ARVCF: variants seen among roughly 807,000 people sequenced by gnomAD.
ARVCF encodes the protein ARVCF delta catenin family member.
A neutral mutation model predicts 90.9 loss-of-function variants in ARVCF; 66 were observed. That is an observed-to-expected ratio of 0.73 (90% CI 0.60 to 0.89). The LOEUF (loss-of-function observed/expected upper bound fraction) is 0.89, where lower values mean the gene tolerates loss of function less well. Ranked by LOEUF, ARVCF falls within the 40% of genes least tolerant of loss-of-function variation. The pLI is 0.00. For missense variants in ARVCF, 1,469 were observed against 1,382.3 expected, an observed-to-expected ratio of 1.06 and a Z score of -1.00; for synonymous variants, 653 against 603.4, an observed-to-expected ratio of 1.08 and a Z score of -1.21.
intron 16 of ARVCF, 101 bp from the exon 17 acceptor site, chr22:19,972,512 T>G (rs1028704736): frequency 1.4e-6 from 2 of 1,458,054 alleles, no homozygotes; most frequent in African/African-American, 2.8e-5. Context: ...AGAGGCTCTC[T>G]GTCACTAAGG....
At chr22:20,010,267 G>C (rs988893549) in intron 2 of ARVCF, among the ~76,000 whole-genome samples, 188 bp downstream of exon 2, 4 of 152,194 alleles carry the variant, frequency 2.6e-5, no homozygotes, top group Non-Finnish European at 5.9e-5. Context: ...AACCCAAGCT[G>C]GTGGCAGGAG....
intron 2 of ARVCF, among the ~76,000 whole-genome samples, chr22:20,002,883 C>A (rs927542720): frequency 6.6e-6 from 1 of 152,186 alleles, no homozygotes; most frequent in African/African-American, 2.4e-5. Context: ...CTGTCAGCTG[C>A]CCATTGGAAG....
At chr22:19,977,164 C>A (rs1943203009) in intron 9 of ARVCF, among the ~76,000 whole-genome samples, 1 of 152,150 alleles carries the variant, frequency 6.6e-6, no homozygotes, top group Admixed American at 6.5e-5. Flanking sequence ...TGGGTCTGGG[C>A]ATTGGTTGGT....
At chr22:20,012,975 C>T (rs1474392406) in intron 1 of ARVCF, among the ~76,000 whole-genome samples, 4 of 152,256 alleles carry the variant, frequency 2.6e-5, no homozygotes, top group Non-Finnish European at 5.9e-5. Context: ...GCTCGCTCTG[C>T]ACTCCCTGCA....
rs756735382 is a variant in ARVCF at position 19,978,991 on chromosome 22, GCACGAT to G, written c.1480_1485del (p.Ile494_Val495del). 1 of 1,613,364 alleles carries G rather than the reference GCACGAT, an allele frequency of 6.2e-7. No homozygotes were observed. The highest frequency in any genetic ancestry group is 8.5e-7 in the Non-Finnish European group (1 of 1,179,946). On this transcript the variant is annotated inframe_deletion, in exon 7 of 20. Transcript: ENST00000263207. ...GGCTCACGCTCCCATCCTGAGTGGG[GCACGAT>G]CACCTCGTGGGTCAGCGTCTGCAGG... is the stretch of plus-strand genomic sequence containing the variant.
intron 2 of ARVCF, among the ~76,000 whole-genome samples, chr22:20,005,751 G>A (rs1029087453): frequency 4.6e-5 from 7 of 150,984 alleles, no homozygotes; most frequent in African/African-American, 7.3e-5. Context: ...AGCCAAGATC[G>A]TGCCACTGCA....
At chr22:19,967,383 T>C (rs536753773), downstream of ARVCF, 2 of 480,908 alleles carry the variant, frequency 4.2e-6, no homozygotes, top group Middle Eastern at 3.2e-4. Flanking sequence ...TCAGCTGACA[T>C]TGCTAGGACA....
At chr22:19,972,239 C>A (rs1301213244) in intron 17 of ARVCF, 119 bp downstream of exon 17, 1 of 1,428,042 alleles carries the variant, frequency 7.0e-7, no homozygotes, top group Non-Finnish European at 9.7e-7. Flanking sequence ...CTAAGCACCC[C>A]TAAACCAAAT....
At chr22:19,983,421 C>T (rs1203929041) in intron 3 of ARVCF, among the ~76,000 whole-genome samples, 3 of 152,228 alleles carry the variant, frequency 2.0e-5, no homozygotes, top group African/African-American at 7.2e-5. Flanking sequence ...CCTGCCAAGG[C>T]TCGTGGGCTG....
At chr22:19,968,861 G>GCCTGCGC (rs2146200844), downstream of ARVCF, 2 of 874,226 alleles carry the variant, frequency 2.3e-6, no homozygotes, top group South Asian at 2.9e-5. Context: ...CTCGGCCGAG[G>GCCTGCGC]CCTGCGCCCT....
chr22:19,994,449 T>G (rs1482125534), intron 2 of ARVCF, among the ~76,000 whole-genome samples: 2 of 87,104 alleles, frequency 2.3e-5, no homozygotes, highest in Admixed American at 1.5e-4. Flanking sequence ...GAAGAACATA[T>G]AGATGAATGG....
At chr22:20,002,363 T>C (rs1023113295) in intron 2 of ARVCF, among the ~76,000 whole-genome samples, 14 of 152,236 alleles carry the variant, frequency 9.2e-5, no homozygotes, top group Admixed American at 3.9e-4. Flanking sequence ...GGCTGCATAC[T>C]GTCCCTCTGT....
At position 19,977,465 on chromosome 22, in the gene ARVCF, T is replaced by C. The variant is rs748845916; in HGVS notation, c.1820A>G (p.Gln607Arg). The change falls in exon 9 of 20, where the codon CAG becomes CGG. Residue 607 changes from glutamine to arginine, a missense_variant. Physicochemically the swap from Gln to Arg is conservative, Grantham distance 43. Coordinates refer to ENST00000263207, the MANE Select transcript of ARVCF (RefSeq NM_001670.3). ...PGPLGSAVGS[Q>R]RRRRDDASCF... ...GCTGGCATCATCCCGCCTCCGGCGC[T>C]GGGAGCCTACAGCACTGCCCAGGGG... The C allele has an allele frequency of 6.4e-7, 1 of 1,571,312 alleles. No homozygotes were observed. The highest frequency in any genetic ancestry group is 8.6e-7 in the Non-Finnish European group (1 of 1,159,628).
chr22:19,992,258 C>T (rs1799037975), intron 2 of ARVCF, among the ~76,000 whole-genome samples: 1 of 152,218 alleles, frequency 6.6e-6, no homozygotes, highest in Non-Finnish European at 1.5e-5. Context: ...ATGAAACTGT[C>T]AACACAACCT....
At chr22:20,014,948 A>C (rs1944968694) in intron 1 of ARVCF, among the ~76,000 whole-genome samples, 1 of 152,116 alleles carries the variant, frequency 6.6e-6, no homozygotes, top group South Asian at 2.1e-4. Flanking sequence ...AGCCACAGAG[A>C]TGCAGAGGGC....
At chr22:19,997,238 C>T (rs560911133) in intron 2 of ARVCF, among the ~76,000 whole-genome samples, 1 of 152,104 alleles carries the variant, frequency 6.6e-6, no homozygotes, top group Non-Finnish European at 1.5e-5. Context: ...CTCTAGTGGC[C>T]GAACGAGCCC....
intron 2 of ARVCF, among the ~76,000 whole-genome samples, chr22:20,002,800 G>C (rs986622071): frequency 6.6e-6 from 1 of 152,166 alleles, no homozygotes. Context: ...GCTGATGTGT[G>C]GAATTGATTT....
chr22:19,979,091 C>T lies in ARVCF; in HGVS notation c.1397-11G>A, dbSNP rs201916620. 9.3e-5 allele frequency: 150 copies of T among 1,608,418 alleles called. No homozygotes were observed. In the East Asian group the frequency reaches 9.6e-4, roughly 10 times the overall value. On this transcript the variant is annotated splice_polypyrimidine_tract_variant and intron_variant, in intron 6 of 19. Transcript: ENST00000263207. ...GGTTCCACAGGGTGCCTGTGGGGTG[C>T]GATTGGCCAATCTGTGCTGACCATA... is the stretch of plus-strand genomic sequence containing the variant.
rs1942752724 is a variant in ARVCF, at chr22:19,971,225, A to C, written c.*3T>G. On this transcript the variant is annotated 3_prime_UTR_variant, in exon 19 of 20. Coordinates refer to ENST00000263207, the MANE Select transcript of ARVCF (RefSeq NM_001670.3). ...AGATGAGAGAACGTACCAGGCATGC[A>C]AGCTAGACCCAGGAATCAACGGGCT... 3 of 1,553,164 alleles carry C rather than the reference A, an allele frequency of 1.9e-6. No homozygotes were observed. The East Asian group carries it at 7.3e-5, about 38-fold the overall frequency.
Sources: gnomAD v4.1 joint callset for allele counts (sites outside exome capture counted in the v4.1 genomes callset) on GRCh38, gnomAD v4.1.1 for gene constraint, MANE v1.5 for transcripts, NCBI Gene and HGNC (gene_info 2026-07-23, HGNC 2026-07-21) for gene names.